The following TCF12 variants were observed in gnomAD, a reference collection of about 807,000 sequenced individuals.
The protein encoded by TCF12 is DNA-binding protein HTF4.
A neutral mutation model predicts 86.0 loss-of-function variants in TCF12; 45 were observed. That is an observed-to-expected ratio of 0.52 (90% CI 0.41 to 0.67). The LOEUF (loss-of-function observed/expected upper bound fraction) is 0.67, where lower values mean the gene tolerates loss of function less well. Ranked by LOEUF, TCF12 falls within the 30% of genes least tolerant of loss-of-function variation. The pLI is 0.00. For synonymous variants in TCF12, 330 were observed against 299.6 expected (o/e 1.10, Z -1.05); for missense variants, 881 against 859.9 (o/e 1.02, Z -0.31).
intron 18 of TCF12, among the ~76,000 whole-genome samples, chr15:57,263,972 T>C (rs1229143399): frequency 6.6e-6 from 1 of 152,192 alleles, no homozygotes; most frequent in African/African-American, 2.4e-5. Context: ...CTAGGACATT[T>C]CTGTACACTA....
At chr15:57,152,968 A>T (rs146443498) in intron 5 of TCF12, among the ~76,000 whole-genome samples, 2 of 152,192 alleles carry the variant, frequency 1.3e-5, no homozygotes, top group African/African-American at 4.8e-5. Context: ...CACATCATGT[A>T]TAGAACAACA....
intron 12 of TCF12, among the ~76,000 whole-genome samples, chr15:57,240,074 T>C (rs1334460721): frequency 6.6e-6 from 1 of 152,032 alleles, no homozygotes; most frequent in African/African-American, 2.4e-5. Context: ...AAGAGTAAAA[T>C]AGAGATGGAC....
At chr15:57,201,269 C>T (rs1291988065) in intron 8 of TCF12, among the ~76,000 whole-genome samples, 1 of 151,664 alleles carries the variant, frequency 6.6e-6, no homozygotes, top group Non-Finnish European at 1.5e-5. Context: ...AACAAGCATT[C>T]AGGGAATTAA....
intron 6 of TCF12, among the ~76,000 whole-genome samples, chr15:57,183,347 A>T (rs2056474120): frequency 6.6e-6 from 1 of 152,154 alleles, no homozygotes; most frequent in East Asian, 1.9e-4. Context: ...ACTTTTGCTA[A>T]ATCATTTGAG....
At chr15:57,030,734 TATA>T (rs1289344674) in intron 3 of TCF12, among the ~76,000 whole-genome samples, 2 of 152,228 alleles carry the variant, frequency 1.3e-5, no homozygotes, top group African/African-American at 4.8e-5. Context: ...ATTTTGAAAA[TATA>T]ATTTAATTTC....
intron 16 of TCF12, among the ~76,000 whole-genome samples, chr15:57,255,982 C>A (rs181868456): frequency 6.6e-6 from 1 of 152,284 alleles, no homozygotes. Context: ...TGTGGAAAAT[C>A]TGCCAGAAAT....
At chr15:56,947,837 A>G (rs1011684320) in intron 3 of TCF12, among the ~76,000 whole-genome samples, 6 of 152,196 alleles carry the variant, frequency 3.9e-5, no homozygotes, top group African/African-American at 1.2e-4. Context: ...AGGTATTACA[A>G]TGCAATGTAA....
At chr15:57,284,720 G>A (rs1054677385) in intron 20 of TCF12, among the ~76,000 whole-genome samples, 5 of 152,106 alleles carry the variant, frequency 3.3e-5, no homozygotes, top group African/African-American at 1.2e-4. Context: ...TTCTTGTCTC[G>A]CTCTAGTTAG....
At chr15:57,141,951 C>G (rs2052999134) in intron 5 of TCF12, among the ~76,000 whole-genome samples, 1 of 152,130 alleles carries the variant, frequency 6.6e-6, no homozygotes, top group South Asian at 2.1e-4. Context: ...AGGGAAGAAG[C>G]ACAAACGGGA....
chr15:57,271,595 C>T (rs1444390804), intron 18 of TCF12, among the ~76,000 whole-genome samples: 2 of 152,202 alleles, frequency 1.3e-5, no homozygotes, highest in Non-Finnish European at 2.9e-5. Flanking sequence ...GTGGGCTGCA[C>T]CCACTGTTCA....
At chr15:57,018,589 A>T (rs1437070707) in intron 3 of TCF12, among the ~76,000 whole-genome samples, 1 of 151,916 alleles carries the variant, frequency 6.6e-6, no homozygotes, top group African/African-American at 2.4e-5. Flanking sequence ...CAGTCTCCTG[A>T]GTAGCTGGGA....
At chr15:57,124,655 G>A (rs1275378133) in intron 5 of TCF12, among the ~76,000 whole-genome samples, 6 of 151,996 alleles carry the variant, frequency 3.9e-5, no homozygotes, top group Non-Finnish European at 1.5e-5. Flanking sequence ...AGACACAATG[G>A]CTTGACTCTC....
At chr15:56,968,253 A>G (rs559569771) in intron 3 of TCF12, among the ~76,000 whole-genome samples, 16 of 152,302 alleles carry the variant, frequency 1.1e-4, no homozygotes, top group Non-Finnish European at 1.9e-4. Flanking sequence ...CACTGCGCGC[A>G]GTCAAGAATG....
intron 8 of TCF12, among the ~76,000 whole-genome samples, chr15:57,202,736 G>C (rs1358283511): frequency 6.6e-6 from 1 of 152,074 alleles, no homozygotes; most frequent in Non-Finnish European, 1.5e-5. Context: ...CACCCGGTCT[G>C]CCCTCAGCTT....
intron 6 of TCF12, among the ~76,000 whole-genome samples, chr15:57,172,852 G>C (rs1395439459): frequency 6.6e-6 from 1 of 151,932 alleles, no homozygotes; most frequent in Non-Finnish European, 1.5e-5. Context: ...TGTAACCCCA[G>C]CCCTTTGGAA....
intron 5 of TCF12, among the ~76,000 whole-genome samples, chr15:57,124,226 A>G (rs1410625761): frequency 1.3e-5 from 2 of 152,108 alleles, no homozygotes; most frequent in Non-Finnish European, 2.9e-5. Context: ...AGTTTTTCAT[A>G]TACTTTGGTT....
chr15:57,170,675 A>ATATTAT (rs1486411354), intron 6 of TCF12, among the ~76,000 whole-genome samples: 2 of 9,472 alleles, frequency 2.1e-4, no homozygotes, highest in African/African-American at 1.1e-3. Context: ...ATATATATAT[A>ATATTAT]ATATATTATA....
intron 3 of TCF12, among the ~76,000 whole-genome samples, chr15:57,012,427 A>C (rs995931570): frequency 6.6e-6 from 1 of 152,262 alleles, no homozygotes; most frequent in Non-Finnish European, 1.5e-5. Flanking sequence ...TTGTTTCTTC[A>C]CCTATTAAGA....
At position 57,166,447 on chromosome 15, in the gene TCF12, C is replaced by T; in HGVS notation, c.371C>T (p.Thr124Ile). The T allele has an allele frequency of 2.5e-6, 4 of 1,612,208 alleles. No individual in the cohort carries two copies. Among genetic ancestry groups the T allele is most frequent in the South Asian group, 1.1e-5 (1 of 90,512 alleles). ...RGSFSLYSRD[T>I]GLPGCQSSLL... is the part of the protein sequence containing the mutation. The stretch of plus-strand genomic sequence containing the variant: ...TCATTTTCCCTGTACAGCAGAGATA[C>T]TGGATTACCAGGCTGTCAAGTAAGT... Residue 124 changes from threonine to isoleucine, a missense_variant, in exon 6 of 21, where the codon ACT becomes ATT. Thr to Ile is a moderately conservative substitution (Grantham distance 89, BLOSUM62 -1). Coordinates refer to ENST00000333725, the MANE Select transcript of TCF12 (RefSeq NM_207037.2).
Sources: allele counts gnomAD v4.1 joint callset (sites outside exome capture counted in the v4.1 genomes callset), GRCh38; gene constraint gnomAD v4.1.1; transcripts MANE v1.5; gene names NCBI Gene and HGNC (gene_info 2026-07-23, HGNC 2026-07-21).